The following RNF152 variants were observed in gnomAD, a reference collection of about 807,000 sequenced individuals.
RNF152 encodes ring finger protein 152.
In RNF152, 11 loss-of-function variants were observed where a neutral mutation model predicts 12.7. That is an observed-to-expected ratio of 0.86 (90% CI 0.54 to 1.43). The LOEUF (loss-of-function observed/expected upper bound fraction) is 1.43, where lower values mean the gene tolerates loss of function less well. Ranked by LOEUF, RNF152 falls within the 40% of genes most tolerant of loss-of-function variation. The pLI is 0.00. For synonymous variants in RNF152, 113 were observed against 120.3 expected, an observed-to-expected ratio of 0.94 and a Z score of 0.40; for missense variants, 255 against 274.8, an observed-to-expected ratio of 0.93 and a Z score of 0.51.
chr18:61,870,361 T>C (rs528582308), intron 1 of RNF152, among the ~76,000 whole-genome samples: 11 of 152,318 alleles, frequency 7.2e-5, no homozygotes, highest in Non-Finnish European at 1.5e-4. Flanking sequence ...TCATGTCTGA[T>C]GCATTTCCTG....
chr18:61,857,217 A>T (rs75956513), intron 1 of RNF152, among the ~76,000 whole-genome samples: 17 of 152,280 alleles, frequency 1.1e-4, no homozygotes, highest in African/African-American at 4.1e-4. Context: ...GAGAAAGTGC[A>T]GACACTTTTC....
rs959653384 is a variant in RNF152, at chr18:61,835,856, A to C, written c.-135-19258T>G. Among the ~76,000 whole-genome samples, 3 of 152,204 alleles carry C rather than the reference A, an allele frequency of 2.0e-5. No homozygotes were observed. The South Asian group carries it at 6.2e-4, about 32-fold the overall frequency. On this transcript the variant is annotated intron_variant, in intron 1 of 1. Transcript: ENST00000312828. The stretch of plus-strand genomic sequence containing the variant: ...GTAATTCTGAAACTAGTTTGTATAG[A>C]CCATATGCTAAAACAAATAAGCAAC...
intron 1 of RNF152, among the ~76,000 whole-genome samples, chr18:61,853,583 A>G (rs542378547): frequency 4.0e-5 from 6 of 151,850 alleles, no homozygotes; most frequent in African/African-American, 1.2e-4. Flanking sequence ...GAGCCATCGC[A>G]CCTCACCGGT....
intron 1 of RNF152, among the ~76,000 whole-genome samples, chr18:61,827,791 G>A (rs1162228276): frequency 6.6e-6 from 1 of 152,172 alleles, no homozygotes; most frequent in Non-Finnish European, 1.5e-5. Flanking sequence ...GGAGTCAGCT[G>A]TCAGTCTGCT....
intron 1 of RNF152, among the ~76,000 whole-genome samples, chr18:61,822,885 G>A (rs1909484590): frequency 6.6e-6 from 1 of 152,206 alleles, no homozygotes; most frequent in Non-Finnish European, 1.5e-5. Context: ...TCTGATACAG[G>A]CCATCTACTT....
At chr18:61,880,638 T>A (rs368598527) in intron 1 of RNF152, among the ~76,000 whole-genome samples, 96 of 152,352 alleles carry the variant, frequency 6.3e-4, no homozygotes, top group African/African-American at 2.3e-3. Flanking sequence ...TTGGTTGTCA[T>A]GAAATACATT....
chr18:61,867,461 AAAG>A (rs539442878), intron 1 of RNF152, among the ~76,000 whole-genome samples: 26 of 152,276 alleles, frequency 1.7e-4, no homozygotes, highest in African/African-American at 6.3e-4. Flanking sequence ...CAAAAAAAAA[AAAG>A]AGATGACAAA....
intron 1 of RNF152, among the ~76,000 whole-genome samples, chr18:61,818,895 G>A (rs117665940): frequency 0.029 from 4,461 of 152,250 alleles, 89 homozygotes; most frequent in Middle Eastern, 0.051. Context: ...CTAGAGATGG[G>A]AGCGCTAAGT....
At chr18:61,883,483 G>T (rs923502682) in intron 1 of RNF152, among the ~76,000 whole-genome samples, 75 of 152,106 alleles carry the variant, frequency 4.9e-4, no homozygotes, top group Non-Finnish European at 3.2e-4. Flanking sequence ...TGCCCCGCTT[G>T]CTCCTCTCTT....
At position 61,815,857 on chromosome 18, in the gene RNF152, C is replaced by T; in HGVS notation, c.607G>A (p.Gly203Ser). 5 of 1,612,482 alleles carry T rather than the reference C, an allele frequency of 3.1e-6. No homozygotes were observed. Among genetic ancestry groups the T allele is most frequent in the African/African-American group, 1.3e-5 (1 of 75,008 alleles). The part of the protein sequence containing the change: ...ISKRFTVISC[G>S] ...AGACTTCCCTGCAGCCCTCTTCAGC[C>T]ACAGGATATCACAGTGAAGCGCTTA... The change falls in exon 2 of 2, where the codon GGC becomes AGC. Residue 203 changes from glycine to serine, a missense_variant. By Grantham distance (56) the Gly-to-Ser change is moderately conservative. Transcript: ENST00000312828.
At chr18:61,869,154 C>T (rs541917361) in intron 1 of RNF152, among the ~76,000 whole-genome samples, 56 of 152,246 alleles carry the variant, frequency 3.7e-4, no homozygotes, top group Admixed American at 1.5e-3. Context: ...TAAAGGAAAG[C>T]CCAGTCTTAA....
intron 1 of RNF152, among the ~76,000 whole-genome samples, chr18:61,817,062 C>T (rs1909140520): frequency 6.6e-6 from 1 of 152,186 alleles, no homozygotes; most frequent in Admixed American, 6.5e-5. Context: ...AAGATTTAGG[C>T]AACTTCACAA....
chr18:61,857,875 A>C (rs1911298100), intron 1 of RNF152, among the ~76,000 whole-genome samples: 1 of 152,250 alleles, frequency 6.6e-6, no homozygotes, highest in South Asian at 2.1e-4. Context: ...CCAAAATAAC[A>C]CATTTGCCTT....
chr18:61,885,011 G>A (rs1312967657), intron 1 of RNF152, among the ~76,000 whole-genome samples: 8 of 152,230 alleles, frequency 5.3e-5, no homozygotes, highest in Non-Finnish European at 1.2e-4. Context: ...AAGGAGTGGA[G>A]TGGATGGACT....
intron 1 of RNF152, among the ~76,000 whole-genome samples, chr18:61,856,900 C>T (rs1442598929): frequency 3.3e-5 from 5 of 152,296 alleles, no homozygotes; most frequent in Admixed American, 1.3e-4. Flanking sequence ...ATAATTATCA[C>T]AATAGTGTCA....
chr18:61,838,768 C>T (rs953768477), intron 1 of RNF152, among the ~76,000 whole-genome samples: 3 of 152,142 alleles, frequency 2.0e-5, no homozygotes, highest in Non-Finnish European at 4.4e-5. Context: ...CAGCTTTCAC[C>T]TCCACGTTCA....
intron 1 of RNF152, among the ~76,000 whole-genome samples, chr18:61,860,386 C>T (rs1414233005): frequency 2.6e-5 from 4 of 152,196 alleles, no homozygotes; most frequent in Non-Finnish European, 4.4e-5. Context: ...CATAACGTTT[C>T]GGTCAATAAC....
Position 61,815,676 on chromosome 18 carries a change from G to T in RNF152, c.*176C>A. The T allele has an allele frequency of 1.6e-6, 1 of 631,920 alleles. No individual in the cohort carries two copies. Among genetic ancestry groups the T allele is most frequent in the Non-Finnish European group, 2.7e-6 (1 of 366,036 alleles). The allele number at this position is 631,920 out of a possible 1,614,324, so 39.1% of individuals were successfully genotyped here. ...CTCAGAACAATTCACCTGGTATCTT[G>T]TTGAGACCGCACCTTCTGCCCTTTG... On this transcript the variant is annotated 3_prime_UTR_variant, in exon 2 of 2. Transcript: ENST00000312828.
chr18:61,839,622 A>G (rs920086732), intron 1 of RNF152, among the ~76,000 whole-genome samples: 3 of 152,136 alleles, frequency 2.0e-5, no homozygotes, highest in Non-Finnish European at 2.9e-5. Context: ...TGGGCTGGGC[A>G]CGGTGGCTCA....
Sources: allele counts gnomAD v4.1 joint callset (sites outside exome capture counted in the v4.1 genomes callset), GRCh38; gene constraint gnomAD v4.1.1; transcripts MANE v1.5; gene names NCBI Gene and HGNC (gene_info 2026-07-23, HGNC 2026-07-21).